The following SLC35F1 variants were observed in gnomAD, a reference collection of about 807,000 sequenced individuals.
The protein encoded by SLC35F1 is solute carrier family 35 member F1.
SLC35F1 carries 14 observed loss-of-function variants against 48.7 expected under a neutral mutation model. The ratio of observed to expected loss-of-function variants is 0.29; its 90% CI spans 0.19 to 0.45. The LOEUF is 0.45. SLC35F1 is among the 20% of genes least tolerant of loss of function. SLC35F1 has a pLI of 1.00. For missense variants in SLC35F1, 404 were observed against 500.0 expected (o/e 0.81, Z 1.83); for synonymous variants, 190 against 202.2 (o/e 0.94, Z 0.51).
At chr6:118,061,163 G>A (rs974656569) in intron 1 of SLC35F1, among the ~76,000 whole-genome samples, 9 of 152,206 alleles carry the variant, frequency 5.9e-5, no homozygotes, top group Non-Finnish European at 1.3e-4. Context: ...AACATAAAAA[G>A]GAGGAGAATG....
intron 1 of SLC35F1, among the ~76,000 whole-genome samples, chr6:118,119,657 C>G (rs895085563): frequency 1.3e-5 from 2 of 152,036 alleles, no homozygotes; most frequent in African/African-American, 4.8e-5. Flanking sequence ...GGGCCCACCA[C>G]CATGCCCAGC....
At chr6:117,943,756 T>G (rs577524997) in intron 1 of SLC35F1, among the ~76,000 whole-genome samples, 1 of 152,320 alleles carries the variant, frequency 6.6e-6, no homozygotes, top group African/African-American at 2.4e-5. Context: ...AAAATGTTCT[T>G]GAACCTCAGT....
chr6:118,006,600 T>C (rs1777177392), intron 1 of SLC35F1, among the ~76,000 whole-genome samples: 1 of 152,078 alleles, frequency 6.6e-6, no homozygotes, highest in Non-Finnish European at 1.5e-5. Context: ...GTCTGGGTGA[T>C]AGAGCAAGAC....
intron 2 of SLC35F1, among the ~76,000 whole-genome samples, chr6:118,233,962 A>G (rs1368772613): frequency 6.6e-6 from 1 of 152,190 alleles, no homozygotes; most frequent in Non-Finnish European, 1.5e-5. Flanking sequence ...GCCACAACTC[A>G]TGCTTTGACA....
intron 1 of SLC35F1, among the ~76,000 whole-genome samples, chr6:118,008,108 G>A (rs1374205017): frequency 6.6e-6 from 1 of 152,084 alleles, no homozygotes; most frequent in East Asian, 1.9e-4. Flanking sequence ...AGCTACAACA[G>A]AGTCTTCTAT....
At chr6:118,135,512 A>G (rs1272724357) in intron 1 of SLC35F1, among the ~76,000 whole-genome samples, 2 of 152,204 alleles carry the variant, frequency 1.3e-5, no homozygotes, top group African/African-American at 4.8e-5. Context: ...GGTACCAGCC[A>G]TCTGTGCTGA....
At chr6:118,208,394 C>T (rs1209943025) in intron 2 of SLC35F1, among the ~76,000 whole-genome samples, 1 of 152,180 alleles carries the variant, frequency 6.6e-6, no homozygotes, top group Non-Finnish European at 1.5e-5. Flanking sequence ...AGTGTGAGCA[C>T]TGCTCATAAA....
At chr6:118,184,034 C>T (rs750998130) in intron 2 of SLC35F1, among the ~76,000 whole-genome samples, 2 of 152,170 alleles carry the variant, frequency 1.3e-5, no homozygotes, top group South Asian at 2.1e-4. Context: ...GCTAGTGAAT[C>T]GGCCACAGCT....
intron 2 of SLC35F1, among the ~76,000 whole-genome samples, chr6:118,207,849 C>A (rs1456870395): frequency 6.6e-6 from 1 of 152,148 alleles, no homozygotes; most frequent in African/African-American, 2.4e-5. Context: ...GGCAAAAATA[C>A]CATTAACACT....
At chr6:118,036,958 G>A (rs1772141670) in intron 1 of SLC35F1, among the ~76,000 whole-genome samples, 1 of 152,102 alleles carries the variant, frequency 6.6e-6, no homozygotes. Flanking sequence ...TGTTAATTCT[G>A]TTAATTTTTG....
chr6:118,149,475 T>G (rs1252168559), intron 1 of SLC35F1, among the ~76,000 whole-genome samples: 1 of 152,048 alleles, frequency 6.6e-6, no homozygotes, highest in African/African-American at 2.4e-5. Context: ...GTTAGCAGAG[T>G]GTCAACATTT....
intron 2 of SLC35F1, among the ~76,000 whole-genome samples, chr6:118,191,233 C>A (rs1285657181): frequency 1.3e-5 from 2 of 152,152 alleles, no homozygotes; most frequent in Admixed American, 1.3e-4. Flanking sequence ...ATTGGGACTT[C>A]TCTTTCATCT....
At chr6:117,933,573 T>G (rs2114813992) in intron 1 of SLC35F1, among the ~76,000 whole-genome samples, 1 of 152,240 alleles carries the variant, frequency 6.6e-6, no homozygotes, top group Non-Finnish European at 1.5e-5. Context: ...GGCACCTTGG[T>G]TTATGAGAAA....
chr6:118,055,082 C>A (rs1582641297), intron 1 of SLC35F1, among the ~76,000 whole-genome samples: 1 of 152,210 alleles, frequency 6.6e-6, no homozygotes, highest in Non-Finnish European at 1.5e-5. Flanking sequence ...TCCTCCCATT[C>A]TTTTCAGTCA....
At chr6:118,126,819 G>A (rs1368431517) in intron 1 of SLC35F1, among the ~76,000 whole-genome samples, 1 of 151,738 alleles carries the variant, frequency 6.6e-6, no homozygotes, top group Non-Finnish European at 1.5e-5. Context: ...TGTGATTTTT[G>A]TACATTGATT....
intron 4 of SLC35F1, among the ~76,000 whole-genome samples, chr6:118,269,213 A>C (rs534581089): frequency 1.3e-5 from 2 of 152,248 alleles, no homozygotes; most frequent in Non-Finnish European, 2.9e-5. Context: ...TAAGTCTGTT[A>C]GAGAGTCTTT....
chr6:118,144,623 A>C (rs924219631), intron 1 of SLC35F1, among the ~76,000 whole-genome samples: 1 of 151,986 alleles, frequency 6.6e-6, no homozygotes, highest in African/African-American at 2.4e-5. Context: ...AAAAAAAAAA[A>C]AAACCTTACC....
chr6:118,185,581 A>G (rs569209577), intron 2 of SLC35F1, among the ~76,000 whole-genome samples: 93 of 152,314 alleles, frequency 6.1e-4, no homozygotes, highest in Non-Finnish European at 1.1e-3. Context: ...TCAGGGAAGC[A>G]TTCCCTGAGG....
rs562208887 is a variant in SLC35F1, at chr6:117,996,514, T to G, written c.173+88615T>G. Among the ~76,000 whole-genome samples the G allele has an allele frequency of 1.6e-4, 25 of 152,330 alleles. 1 individual carries two copies. The East Asian group carries it at 4.8e-3, about 29-fold the overall frequency. ...CCTGACCCCTGATCCCTGAGCAGCC[T>G]AACTGGGAGGCACCCCCCAGTAGGG... On this transcript the variant is annotated intron_variant, in intron 1 of 7. Coordinates refer to ENST00000360388, the MANE Select transcript of SLC35F1 (RefSeq NM_001029858.4).
Sources: allele counts gnomAD v4.1 joint callset (sites outside exome capture counted in the v4.1 genomes callset), GRCh38; gene constraint gnomAD v4.1.1; transcripts MANE v1.5; gene names NCBI Gene and HGNC (gene_info 2026-07-23, HGNC 2026-07-21).